Variants in EIF4G3 observed in about 807,000 individuals in gnomAD.
EIF4G3 encodes eukaryotic translation initiation factor 4 gamma 3.
Under a neutral mutation model 186.4 loss-of-function variants are expected in EIF4G3, and 34 were observed. The ratio of observed to expected loss-of-function variants is 0.18; its 90% CI spans 0.14 to 0.24. The LOEUF (loss-of-function observed/expected upper bound fraction) is 0.24, where lower values mean the gene tolerates loss of function less well. EIF4G3 is among the 10% of genes least tolerant of loss of function. The pLI, the probability that EIF4G3 is intolerant of heterozygous loss-of-function variation, is 1.00. For synonymous variants in EIF4G3, 673 were observed against 679.5 expected, an observed-to-expected ratio of 0.99 and a Z score of 0.15; for missense variants, 1,536 against 1,948.5, an observed-to-expected ratio of 0.79 and a Z score of 3.99.
chr1:20,837,129 A>C (rs979190121), intron 30 of EIF4G3, among the ~76,000 whole-genome samples: 1 of 152,248 alleles, frequency 6.6e-6, no homozygotes, highest in East Asian at 1.9e-4. Context: ...ACTTTGCAGC[A>C]GTGCATACTC....
intron 7 of EIF4G3, among the ~76,000 whole-genome samples, chr1:20,986,744 C>CAAAAAAAAAAAAAAAAAAAAAAAAA (rs61255473): frequency 1.5e-5 from 1 of 66,316 alleles, no homozygotes; most frequent in African/African-American, 6.8e-5. Context: ...GCTCTGTCTC[C>CAAAAAAAAAAAAAAAAAAAAAAAAA]AAAAAAAAAA....
At chr1:21,035,705 T>C (rs904223870) in intron 4 of EIF4G3, among the ~76,000 whole-genome samples, 1 of 152,228 alleles carries the variant, frequency 6.6e-6, no homozygotes, top group Non-Finnish European at 1.5e-5. Context: ...TGGGCATCCC[T>C]TGGCACAAGT....
chr1:21,010,419 CAAAAAAAAAAAAA>C (rs11318361), intron 4 of EIF4G3, among the ~76,000 whole-genome samples: 2 of 101,166 alleles, frequency 2.0e-5, no homozygotes, highest in Non-Finnish European at 4.0e-5. Context: ...GACTCTGTCT[CAAAAAAAAAAAAA>C]AAAAAGAAAA....
At chr1:20,918,501 C>T (rs1316661524) in intron 14 of EIF4G3, among the ~76,000 whole-genome samples, 2 of 152,084 alleles carry the variant, frequency 1.3e-5, no homozygotes, top group African/African-American at 4.8e-5. Context: ...AGCCACAGCA[C>T]CTAGCCACAA....
chr1:21,151,903 C>T (rs2097557650), intron 2 of EIF4G3, among the ~76,000 whole-genome samples: 2 of 152,138 alleles, frequency 1.3e-5, no homozygotes, highest in South Asian at 4.1e-4. Context: ...TCATCCTAAT[C>T]CCTGTCTCAC....
At chr1:21,119,008 T>G (rs2096880767) in intron 2 of EIF4G3, among the ~76,000 whole-genome samples, 1 of 151,368 alleles carries the variant, frequency 6.6e-6, no homozygotes, top group Admixed American at 6.6e-5. Flanking sequence ...AGTTAATATA[T>G]CTGCATTACT....
At chr1:21,060,675 C>T (rs1363565324) in intron 3 of EIF4G3, among the ~76,000 whole-genome samples, 1 of 149,952 alleles carries the variant, frequency 6.7e-6, no homozygotes, top group Non-Finnish European at 1.5e-5. Flanking sequence ...TACTTGGGAG[C>T]GTAAGGCAAG....
chr1:20,824,064 T>C (rs1488308629), intron 33 of EIF4G3, among the ~76,000 whole-genome samples: 1 of 152,268 alleles, frequency 6.6e-6, no homozygotes, highest in Non-Finnish European at 1.5e-5. Context: ...CTGGGCTATG[T>C]GTCCTTTGGG....
At chr1:21,053,847 G>C (rs1210295602) in intron 3 of EIF4G3, among the ~76,000 whole-genome samples, 1 of 144,278 alleles carries the variant, frequency 6.9e-6, no homozygotes, top group Admixed American at 6.8e-5. Context: ...GAGGGAGGTG[G>C]GGGGGTCAGC....
chr1:21,029,179 A>T (rs1030136524), intron 4 of EIF4G3, among the ~76,000 whole-genome samples: 1 of 151,882 alleles, frequency 6.6e-6, no homozygotes, highest in African/African-American at 2.4e-5. Context: ...AACCACACCC[A>T]GCTAATGTTT....
intron 4 of EIF4G3, among the ~76,000 whole-genome samples, chr1:21,008,005 A>C (rs2085776991): frequency 2.0e-5 from 3 of 152,216 alleles, no homozygotes. Context: ...TATGCCAAGC[A>C]AGCTGGGTGC....
At chr1:20,972,232 A>G (rs144927834) in intron 11 of EIF4G3, among the ~76,000 whole-genome samples, 304 of 152,306 alleles carry the variant, frequency 2.0e-3, no homozygotes, top group Non-Finnish European at 3.0e-3. Context: ...TTCTTAAAAG[A>G]TATCTATTTC....
intron 14 of EIF4G3, among the ~76,000 whole-genome samples, chr1:20,935,893 T>C (rs574573035): frequency 4.6e-5 from 7 of 152,354 alleles, no homozygotes; most frequent in South Asian, 4.1e-4. Flanking sequence ...GTCAGTACAA[T>C]AGTCCTTTGT....
chr1:21,169,306 C>G (rs1018743420), intron 2 of EIF4G3, among the ~76,000 whole-genome samples: 1 of 152,090 alleles, frequency 6.6e-6, no homozygotes, highest in Non-Finnish European at 1.5e-5. Context: ...CAAAAATTAG[C>G]TGCGTATAAT....
chr1:21,089,065 C>T, intron 3 of EIF4G3, 73 bp downstream of exon 3: 1 of 676,058 alleles, frequency 1.5e-6, no homozygotes, highest in East Asian at 2.7e-5. Context: ...ATCAAACAAA[C>T]ACTGCCTATA....
intron 19 of EIF4G3, among the ~76,000 whole-genome samples, chr1:20,883,616 C>A (rs1434897566): frequency 6.7e-6 from 1 of 150,368 alleles, no homozygotes; most frequent in East Asian, 1.9e-4. Context: ...GAGCGAGACT[C>A]CATCTTAAAA....
At chr1:20,928,271 C>T (rs1381875631) in intron 14 of EIF4G3, among the ~76,000 whole-genome samples, 1 of 152,120 alleles carries the variant, frequency 6.6e-6, no homozygotes, top group Admixed American at 6.6e-5. Context: ...TAATTTTTGG[C>T]TGTACACAAA....
chr1:20,897,788 AC>A (rs1194133247), intron 16 of EIF4G3, among the ~76,000 whole-genome samples: 1 of 152,020 alleles, frequency 6.6e-6, no homozygotes, highest in East Asian at 1.9e-4. Flanking sequence ...TTTTCCAATT[AC>A]TGCTGTTAAA....
intron 4 of EIF4G3, among the ~76,000 whole-genome samples, chr1:21,027,930 A>G (rs1487026466): frequency 1.3e-5 from 2 of 152,236 alleles, no homozygotes; most frequent in Admixed American, 6.5e-5. Context: ...ATATGGTACC[A>G]TAGATAAAGT....
Sources: gnomAD v4.1 joint callset for allele counts (sites outside exome capture counted in the v4.1 genomes callset) on GRCh38, gnomAD v4.1.1 for gene constraint, MANE v1.5 for transcripts, NCBI Gene and HGNC (gene_info 2026-07-23, HGNC 2026-07-21) for gene names.